The following PCDH10 variants were observed in gnomAD, a reference collection of about 807,000 sequenced individuals.
PCDH10 encodes protocadherin 10, also known as protocadherin-10.
PCDH10 carries 15 observed loss-of-function variants against 74.4 expected under a neutral mutation model. That is an observed-to-expected ratio of 0.20 (90% confidence interval 0.13 to 0.31). The LOEUF (loss-of-function observed/expected upper bound fraction) is 0.31, where lower values mean the gene tolerates loss of function less well. PCDH10 is among the 10% of genes least tolerant of loss of function. The probability of loss-of-function intolerance (pLI) is 1.00; values close to 1 mark genes in which losing one functional copy is unlikely to be tolerated. For missense variants in PCDH10, 1,260 were observed against 1,390.2 expected (o/e 0.91, Z 1.49); for synonymous variants, 619 against 589.8 (o/e 1.05, Z -0.72).
rs182913339 is a variant in PCDH10 at position 133,155,708 on chromosome 4, T to C, written c.2797+685T>C. ...TGAGTATATTTGTTTGTGGGCTTGA[T>C]GGTAGTCACTGATAGGTTTCAATGT... On this transcript the variant is annotated intron_variant, in intron 3 of 4. Transcript: ENST00000264360. Among the ~76,000 whole-genome samples the C allele has an allele frequency of 4.3e-4, 66 of 152,314 alleles. 1 individual carries two copies. In the East Asian group the frequency reaches 0.012, roughly 27 times the overall value.
rs1727676041 is a variant in PCDH10, at chr4:133,191,800, A to G, written c.*1640A>G. On this transcript the variant is annotated 3_prime_UTR_variant, in exon 5 of 5. Transcript: ENST00000264360. ...TCAAATTAGAAACCTGTTTTGAAAT[A>G]CTTTCCTTAATTTTTAACTGATCTT... 1 of 151,676 alleles carries G rather than the reference A, an allele frequency of 6.6e-6. No individual in the cohort carries two copies. Among genetic ancestry groups the G allele is most frequent in the Non-Finnish European group, 1.5e-5 (1 of 67,698 alleles). The allele number at this position is 151,676 out of a possible 1,614,324, so 9.4% of individuals were successfully genotyped here.
intron 4 of PCDH10, among the ~76,000 whole-genome samples, chr4:133,187,276 G>A (rs1383196215): frequency 6.6e-6 from 1 of 152,088 alleles, no homozygotes; most frequent in Non-Finnish European, 1.5e-5. Flanking sequence ...TGTGAATGAA[G>A]TGATGTGCCT....
At chr4:133,168,584 A>G (rs578116699) in intron 4 of PCDH10, among the ~76,000 whole-genome samples, 4 of 151,762 alleles carry the variant, frequency 2.6e-5, no homozygotes, top group East Asian at 1.9e-4. Context: ...TTACACAATT[A>G]TAAGTACTAT....
chr4:133,150,179 G>A lies in PCDH10; in HGVS notation c.39G>A (p.Val13=). 1 of 1,596,678 alleles carries A rather than the reference G, an allele frequency of 6.3e-7. No individual in the cohort carries two copies. The highest frequency in any genetic ancestry group is 8.5e-7 in the Non-Finnish European group (1 of 1,172,788). ...VLLLFALLWM[V]EGVFSQLHYT... is the part of the protein sequence containing the mutation. ...TATTGTTTGCCTTGCTCTGGATGGTGGAAGGAGTCTTTTCCCAGCTTCACT... is the reference window on the plus strand; with the variant it reads ...TATTGTTTGCCTTGCTCTGGATGGTAGAAGGAGTCTTTTCCCAGCTTCACT... Residue 13 remains valine, a synonymous_variant, in exon 1 of 5, where the codon GTG becomes GTA. Coordinates refer to ENST00000264360, the MANE Select transcript of PCDH10 (RefSeq NM_032961.3).
intron 2 of PCDH10, among the ~76,000 whole-genome samples, chr4:133,200,933 A>G (rs1001610752): frequency 2.0e-5 from 3 of 152,294 alleles, no homozygotes; most frequent in African/African-American, 7.2e-5. Flanking sequence ...GTTCACCCAT[A>G]ACGATGATTC....
chr4:133,173,610 G>T (rs1296281234), intron 4 of PCDH10, among the ~76,000 whole-genome samples: 1 of 151,990 alleles, frequency 6.6e-6, no homozygotes, highest in Admixed American at 6.6e-5. Flanking sequence ...ACTTGAAGAT[G>T]AAGAAGAGAC....
chr4:133,160,215 T>C (rs1158777567), intron 3 of PCDH10, among the ~76,000 whole-genome samples: 1 of 151,964 alleles, frequency 6.6e-6, no homozygotes, highest in South Asian at 2.1e-4. Context: ...TCAATAATAC[T>C]GGTGAAACAT....
Position 133,151,255 on chromosome 4 carries a change from C to T in PCDH10, c.1115C>T (p.Ala372Val). The T allele has an allele frequency of 6.2e-7, 1 of 1,613,928 alleles. No homozygotes were observed. The highest frequency in any genetic ancestry group is 8.5e-7 in the Non-Finnish European group (1 of 1,179,988). The change falls in exon 1 of 5, where the codon GCG becomes GTG. Residue 372 changes from alanine (A) to valine (V), a missense_variant. Around this residue, in one of 11 missense-constraint regions of PCDH10, gnomAD observed 112 missense variants for 123.6 expected, o/e 0.91. Transcript: ENST00000264360. ...TVKEAVSEGA[A>V]PGTVVALFSV... ...AAGGAAGCGGTGAGTGAGGGCGCGG[C>T]GCCCGGCACTGTGGTGGCCCTTTTC...
chr4:133,158,368 AT>A (rs1252384634), intron 3 of PCDH10, among the ~76,000 whole-genome samples: 1 of 152,060 alleles, frequency 6.6e-6, no homozygotes, highest in East Asian at 1.9e-4. Context: ...TTAATTATAG[AT>A]TTATTTTTAA....
intron 4 of PCDH10, among the ~76,000 whole-genome samples, chr4:133,167,916 C>A (rs1263781794): frequency 6.6e-6 from 1 of 151,094 alleles, no homozygotes; most frequent in Non-Finnish European, 1.5e-5. Context: ...CAAATGGTAA[C>A]TTGACATCAG....
intron 4 of PCDH10, among the ~76,000 whole-genome samples, chr4:133,165,077 C>T (rs1388142826): frequency 6.8e-6 from 1 of 147,054 alleles, no homozygotes; most frequent in Admixed American, 6.9e-5. Flanking sequence ...TATATATATA[C>T]ATACATATAT....
At chr4:133,202,633 T>A (rs1235100490) in intron 2 of PCDH10, among the ~76,000 whole-genome samples, 1 of 152,212 alleles carries the variant, frequency 6.6e-6, no homozygotes, top group South Asian at 2.1e-4. Context: ...TTAGACAACA[T>A]ATTGAGAGTT....
Position 133,152,198 on chromosome 4 carries a change from G to C in PCDH10, c.2058G>C (p.Gln686His). 1.9e-6 allele frequency: 3 copies of C among 1,581,274 alleles called. No homozygotes were observed. Among genetic ancestry groups the C allele is most frequent in the South Asian group, 1.2e-5 (1 of 85,388 alleles). ...TGGTGGATGGCGCCGTGGAGCCCCA[G>C]GGCGGGGGCGGGAGCGGAGGCGGAG... ...VQLVDGAVEP[Q>H]GGGGSGGGGS... is the part of the protein sequence containing the mutation. The change falls in exon 1 of 5, where the codon CAG becomes CAC. Residue 686 changes from glutamine to histidine, a missense_variant. Physicochemically the swap from Gln to His is conservative, Grantham distance 24. Coordinates refer to ENST00000264360, the MANE Select transcript of PCDH10 (RefSeq NM_032961.3).
intron 4 of PCDH10, 130 bp from the exon 5 acceptor site, chr4:133,190,011 G>C: frequency 1.4e-6 from 1 of 719,102 alleles, no homozygotes; most frequent in Non-Finnish European, 2.4e-6. Context: ...GAAAAAGTTT[G>C]ACACTACATG....
chr4:133,168,959 A>G (rs1419037176), intron 4 of PCDH10, among the ~76,000 whole-genome samples: 1 of 151,778 alleles, frequency 6.6e-6, no homozygotes. Context: ...AATTAATTCA[A>G]GCTATTGAAA....
intron 4 of PCDH10, among the ~76,000 whole-genome samples, chr4:133,185,169 CATAT>C (rs1462128804): frequency 1.4e-5 from 2 of 147,656 alleles, no homozygotes; most frequent in African/African-American, 4.9e-5. Flanking sequence ...TATATTTACA[CATAT>C]AAATAAATAT....
At chr4:133,184,660 A>C (rs2125871626) in intron 4 of PCDH10, among the ~76,000 whole-genome samples, 1 of 146,512 alleles carries the variant, frequency 6.8e-6, no homozygotes, top group African/African-American at 2.5e-5. Flanking sequence ...TAAATAAATA[A>C]GTTATTTATT....
chr4:133,165,371 A>C (rs902571118), intron 4 of PCDH10, among the ~76,000 whole-genome samples: 7 of 151,526 alleles, frequency 4.6e-5, no homozygotes, highest in Admixed American at 4.6e-4. Context: ...TTAAAATTAC[A>C]CCATGACTCT....
intron 4 of PCDH10, among the ~76,000 whole-genome samples, chr4:133,170,532 A>C (rs1397219443): frequency 2.0e-5 from 3 of 152,196 alleles, no homozygotes; most frequent in Non-Finnish European, 2.9e-5. Flanking sequence ...AGTTAAATTT[A>C]ATTTTTAATT....
Sources: gnomAD v4.1 joint callset for allele counts (sites outside exome capture counted in the v4.1 genomes callset) on GRCh38, gnomAD v4.1.1 for gene constraint, gnomAD v4.1.1 regional missense constraint, MANE v1.5 for transcripts, NCBI Gene and HGNC (gene_info 2026-07-23, HGNC 2026-07-21) for gene names.